The following NAV2 variants were observed in gnomAD, a reference collection of about 807,000 sequenced individuals.
NAV2 encodes neuron navigator 2.
In NAV2, 54 loss-of-function variants were observed where a neutral mutation model predicts 223.2. The ratio of observed to expected loss-of-function variants is 0.24; its 90% CI spans 0.19 to 0.30. The LOEUF is 0.30. NAV2 is among the 10% of genes least tolerant of loss of function. NAV2 has a pLI of 1.00. For synonymous variants in NAV2, 1,279 were observed against 1,239.3 expected (o/e 1.03, Z -0.67); for missense variants, 2,806 against 3,147.5 (o/e 0.89, Z 2.60).
At chr11:19,790,429 A>G (rs1244979163) in intron 1 of NAV2, among the ~76,000 whole-genome samples, 1 of 152,218 alleles carries the variant, frequency 6.6e-6, no homozygotes, top group East Asian at 1.9e-4. Flanking sequence ...GTCTCTTATT[A>G]GAAGAGTGTC....
chr11:19,830,679 T>C (rs186666463), intron 1 of NAV2, among the ~76,000 whole-genome samples: 2 of 152,338 alleles, frequency 1.3e-5, no homozygotes, highest in Non-Finnish European at 1.5e-5. Context: ...AAACAAAACA[T>C]ACCCAAATCC....
chr11:19,579,764 A>G (rs951087415), intron 1 of NAV2, among the ~76,000 whole-genome samples: 3 of 152,202 alleles, frequency 2.0e-5, no homozygotes, highest in African/African-American at 7.2e-5. Context: ...GACCTGGTCT[A>G]GGTAGATTCT....
chr11:19,579,055 A>G (rs981689888), intron 1 of NAV2, among the ~76,000 whole-genome samples: 1 of 152,178 alleles, frequency 6.6e-6, no homozygotes, highest in Non-Finnish European at 1.5e-5. Flanking sequence ...AGAATTTGAC[A>G]AAAAAAGAAA....
At chr11:19,830,707 A>G (rs1236792169) in intron 1 of NAV2, among the ~76,000 whole-genome samples, 70 of 152,220 alleles carry the variant, frequency 4.6e-4, no homozygotes, top group Non-Finnish European at 3.8e-4. Context: ...TGTGGAGCCT[A>G]CAGAACCGGG....
chr11:19,471,115 T>C (rs2041951197), intron 1 of NAV2, among the ~76,000 whole-genome samples: 1 of 152,182 alleles, frequency 6.6e-6, no homozygotes, highest in Non-Finnish European at 1.5e-5. Flanking sequence ...CTGCCTTCTG[T>C]GCCTTTCCAC....
At chr11:19,354,863 C>G (rs1291720643) in intron 1 of NAV2, among the ~76,000 whole-genome samples, 1 of 152,152 alleles carries the variant, frequency 6.6e-6, no homozygotes, top group Non-Finnish European at 1.5e-5. Context: ...CCCACTTGTC[C>G]CCTGTGCCAG....
At chr11:19,422,246 G>T (rs952846719) in intron 1 of NAV2, among the ~76,000 whole-genome samples, 1 of 152,168 alleles carries the variant, frequency 6.6e-6, no homozygotes, top group Non-Finnish European at 1.5e-5. Flanking sequence ...CGGGGAGCGG[G>T]TGGAAATCAC....
chr11:20,030,565 G>A (rs749093409), intron 11 of NAV2, among the ~76,000 whole-genome samples: 7 of 152,148 alleles, frequency 4.6e-5, no homozygotes, highest in Non-Finnish European at 1.0e-4. Flanking sequence ...CTGTTTGAAA[G>A]CTTGGATAAT....
At chr11:19,583,167 T>G (rs561760597) in intron 1 of NAV2, among the ~76,000 whole-genome samples, 68 of 152,256 alleles carry the variant, frequency 4.5e-4, no homozygotes, top group African/African-American at 1.5e-3. Flanking sequence ...CTCATGATTT[T>G]GCTCTCTGTT....
chr11:19,352,666 G>A (rs1203378424), intron 1 of NAV2, among the ~76,000 whole-genome samples: 5 of 152,220 alleles, frequency 3.3e-5, no homozygotes, highest in Non-Finnish European at 7.3e-5. Flanking sequence ...CCATTTTAAT[G>A]AGTCTCCATG....
chr11:19,529,817 A>T (rs970858288), intron 1 of NAV2, among the ~76,000 whole-genome samples: 4 of 152,202 alleles, frequency 2.6e-5, no homozygotes, highest in African/African-American at 9.7e-5. Context: ...TGCCCTACAT[A>T]GGTGTTCTAA....
At chr11:19,371,360 C>A (rs1302481248) in intron 1 of NAV2, among the ~76,000 whole-genome samples, 1 of 152,140 alleles carries the variant, frequency 6.6e-6, no homozygotes, top group Non-Finnish European at 1.5e-5. Context: ...CATGTTCTTC[C>A]TGTTTCCATC....
At chr11:19,403,950 G>A (rs182797017) in intron 1 of NAV2, among the ~76,000 whole-genome samples, 1 of 152,158 alleles carries the variant, frequency 6.6e-6, no homozygotes, top group African/African-American at 2.4e-5. Context: ...GGGGACCATG[G>A]TCCATATAGA....
At chr11:19,856,494 C>T (rs527350009) in intron 3 of NAV2, among the ~76,000 whole-genome samples, 18 of 152,238 alleles carry the variant, frequency 1.2e-4, no homozygotes, top group East Asian at 3.9e-4. Flanking sequence ...TATATATTCA[C>T]GATCATCAGT....
rs185099838 is a variant in NAV2 at position 20,037,476 on chromosome 11, C to G, written c.2907+1379C>G. 8.6e-5 allele frequency among the ~76,000 whole-genome samples: 13 copies of G among 151,910 alleles called. No homozygotes were observed. The East Asian group carries it at 2.5e-3, about 29-fold the overall frequency. ...ACATTAGGTGTTGCCCCTGGGATTC[C>G]CAGTTACTTCTTGTATTCTTCATTT... is the stretch of plus-strand genomic sequence containing the variant. On this transcript the variant is annotated intron_variant, in intron 12 of 37. Coordinates refer to ENST00000349880, the MANE Select transcript of NAV2 (RefSeq NM_145117.5).
chr11:19,577,734 C>T (rs1309778514), intron 1 of NAV2, among the ~76,000 whole-genome samples: 1 of 151,974 alleles, frequency 6.6e-6, no homozygotes, highest in Admixed American at 6.6e-5. Context: ...GTTGGGTGGG[C>T]ATCTGGGGTG....
chr11:19,614,571 C>T (rs1191866646), intron 1 of NAV2, among the ~76,000 whole-genome samples: 1 of 152,136 alleles, frequency 6.6e-6, no homozygotes, highest in Non-Finnish European at 1.5e-5. Context: ...ACTCAATGAA[C>T]CTACATTGAC....
At chr11:19,500,401 G>A (rs934491894) in intron 1 of NAV2, among the ~76,000 whole-genome samples, 2 of 152,296 alleles carry the variant, frequency 1.3e-5, no homozygotes, top group Middle Eastern at 3.4e-3. Context: ...GACTTTTAGG[G>A]TAGTTTGTTA....
chr11:19,933,336 C>T lies in NAV2; in HGVS notation c.1092C>T (p.Ser364=), dbSNP rs140731279. The change falls in exon 7 of 38, where the codon AGC becomes AGT. Residue 364 remains serine (S), a synonymous_variant. Transcript: ENST00000349880. This position sits in a 1 kb window ranked among gnomAD's most constrained non-coding sequence, Gnocchi z 4.3. ...ATKPWRSKSL[S]VKHSATVSML... is the part of the protein sequence containing the mutation. ...AGCCTTGGCGCAGCAAATCCCTCAG[C>T]GTGAAGCACAGTGCCACGGTATCCA... 125 of 1,611,646 alleles carry T rather than the reference C, an allele frequency of 7.8e-5. No homozygotes were observed. The highest frequency in any genetic ancestry group is 8.8e-5 in the Non-Finnish European group (104 of 1,178,918).
Sources: allele counts gnomAD v4.1 joint callset (sites outside exome capture counted in the v4.1 genomes callset), GRCh38; gene constraint gnomAD v4.1.1; non-coding constraint Gnocchi (gnomAD v3.1); transcripts MANE v1.5; gene names NCBI Gene and HGNC (gene_info 2026-07-23, HGNC 2026-07-21).